AGO4: variants seen among roughly 807,000 people sequenced by gnomAD.
The protein encoded by AGO4 is protein argonaute-4.
Under a neutral mutation model 104.7 loss-of-function variants are expected in AGO4, and 33 were observed. The ratio of observed to expected loss-of-function variants is 0.32; its 90% CI spans 0.24 to 0.42. The LOEUF is 0.42. Among genes scored for constraint, AGO4 ranks in the 10% least tolerant of loss-of-function variants. The probability of loss-of-function intolerance (pLI) is 1.00; values close to 1 mark genes in which losing one functional copy is unlikely to be tolerated. For missense variants in AGO4, 711 were observed against 1,083.4 expected (o/e 0.66, Z 4.83); for synonymous variants, 331 against 364.7 (o/e 0.91, Z 1.05).
At chr1:35,830,002 C>T (rs1028188732) in intron 7 of AGO4, among the ~76,000 whole-genome samples, 11 of 150,990 alleles carry the variant, frequency 7.3e-5, no homozygotes, top group Non-Finnish European at 1.5e-4. Context: ...ATAAAAAATA[C>T]AAAAAAATTA....
At position 35,855,575 on chromosome 1, in the gene AGO4, G is replaced by A. The variant is rs1258960362; in HGVS notation, c.*1970G>A. On this transcript the variant is annotated 3_prime_UTR_variant, in exon 18 of 18. Transcript: ENST00000373210. ...CCTTAATCCCTGCAGATAGTGGGAT[G>A]AAAGCAAGTTCTGTAAAATGAAGCA... is the stretch of plus-strand genomic sequence containing the variant. 6.6e-6 allele frequency: 1 copy of A among 151,942 alleles called. No homozygotes were observed. The highest frequency in any genetic ancestry group is 1.5e-5 in the Non-Finnish European group (1 of 67,918). The allele number at this position is 151,942 out of a possible 1,614,324, so 9.4% of individuals were successfully genotyped here.
chr1:35,815,438 T>C (rs1416278500), intron 1 of AGO4, among the ~76,000 whole-genome samples: 1 of 152,138 alleles, frequency 6.6e-6, no homozygotes, highest in Admixed American at 6.6e-5. Flanking sequence ...TGAGTATTAA[T>C]AGATGTTCAA....
chr1:35,812,328 T>C (rs1223997018), intron 1 of AGO4, among the ~76,000 whole-genome samples: 1 of 152,198 alleles, frequency 6.6e-6, no homozygotes, highest in Non-Finnish European at 1.5e-5. Context: ...GGAAAGGAGA[T>C]ACAAATAATA....
At chr1:35,847,666 C>T (rs1644603987) in intron 15 of AGO4, among the ~76,000 whole-genome samples, 1 of 141,960 alleles carries the variant, frequency 7.0e-6, no homozygotes, top group Non-Finnish European at 1.5e-5. Flanking sequence ...AGTTGTTATA[C>T]TATATTTTAA....
At chr1:35,838,059 T>A (rs1644356026) in intron 13 of AGO4, among the ~76,000 whole-genome samples, 1 of 151,890 alleles carries the variant, frequency 6.6e-6, no homozygotes. Flanking sequence ...TTTATTTATT[T>A]ATGTATTTAT....
At chr1:35,823,748 T>C (rs1643940553) in intron 3 of AGO4, among the ~76,000 whole-genome samples, 1 of 151,224 alleles carries the variant, frequency 6.6e-6, no homozygotes, top group South Asian at 2.1e-4. Context: ...TTATTATTAT[T>C]ATTATTTTTT....
intron 2 of AGO4, among the ~76,000 whole-genome samples, chr1:35,819,799 TAAAAAAAA>T (rs77771083): frequency 7.6e-6 from 1 of 131,044 alleles, no homozygotes; most frequent in Non-Finnish European, 1.6e-5. Context: ...CTCTGAGTCT[TAAAAAAAA>T]AAAAAAAAGG....
At chr1:35,822,273 G>C (rs1226861790) in intron 2 of AGO4, among the ~76,000 whole-genome samples, 2 of 151,364 alleles carry the variant, frequency 1.3e-5, no homozygotes, top group Non-Finnish European at 2.9e-5. Flanking sequence ...TTTTTTTCTT[G>C]AGACAGAATT....
intron 17 of AGO4, among the ~76,000 whole-genome samples, chr1:35,853,017 G>A (rs373960727): frequency 7.2e-5 from 11 of 152,242 alleles, no homozygotes; most frequent in African/African-American, 2.4e-4. Context: ...TTGGGAGGCC[G>A]AGGCAGGCGG....
chr1:35,816,789 ACT>A (rs1371966563), intron 1 of AGO4, 91 bp from the exon 2 acceptor site: 2 of 1,375,112 alleles, frequency 1.5e-6, no homozygotes, highest in Non-Finnish European at 1.9e-6. Flanking sequence ...AAAGAGCGAA[ACT>A]CTGTCTCAAA....
intron 15 of AGO4, among the ~76,000 whole-genome samples, chr1:35,843,669 A>T (rs1644501408): frequency 6.6e-6 from 1 of 152,126 alleles, no homozygotes; most frequent in Admixed American, 6.5e-5. Flanking sequence ...GAAAAAAAAA[A>T]TAGTACTTCT....
rs552636204 is a variant in AGO4 at position 35,820,332 on chromosome 1, C to T, written c.186-2530C>T. Among the ~76,000 whole-genome samples the T allele has an allele frequency of 2.4e-4, 36 of 152,040 alleles. No individual in the cohort carries two copies. In the South Asian group the frequency reaches 3.5e-3, roughly 15 times the overall value. On this transcript the variant is annotated intron_variant, in intron 2 of 17. Transcript: ENST00000373210. ...AATAGAATGTTCAGACGGGGAGAAACTGAGATTAAGAAAGTTTAATTTTTT... is the reference window on the plus strand; with the variant it reads ...AATAGAATGTTCAGACGGGGAGAAATTGAGATTAAGAAAGTTTAATTTTTT...
Position 35,841,988 on chromosome 1 carries a change from G to A in AGO4, c.2175+238G>A, listed in dbSNP as rs1644457927. Among the ~76,000 whole-genome samples the A allele has an allele frequency of 6.6e-6, 1 of 152,002 alleles. No homozygotes were observed. Among genetic ancestry groups the A allele is most frequent in the African/African-American group, 2.4e-5 (1 of 41,370 alleles). The stretch of plus-strand genomic sequence containing the variant: ...TATAACAGAAATGCTGATTTCTCGA[G>A]TTGTTTTTGTGTCGGGGGGAGTAGG... On this transcript the variant is annotated intron_variant, in intron 15 of 17. Coordinates refer to ENST00000373210, the MANE Select transcript of AGO4 (RefSeq NM_017629.4). The surrounding 1 kb of genome is among the most constrained non-coding windows in gnomAD (Gnocchi z 4.7).
Position 35,841,789 on chromosome 1 carries a change from T to A in AGO4, c.2175+39T>A. ...ATATAAGCTTTGTTATCTGAGGCTCTGGCAAGAGATGTATATATGCACATA... is the reference window on the plus strand; with the variant it reads ...ATATAAGCTTTGTTATCTGAGGCTCAGGCAAGAGATGTATATATGCACATA... On this transcript the variant is annotated intron_variant, in intron 15 of 17. Transcript: ENST00000373210. This position sits in a 1 kb window ranked among gnomAD's most constrained non-coding sequence, Gnocchi z 4.7. 3 of 1,569,602 alleles carry A rather than the reference T, an allele frequency of 1.9e-6. No homozygotes were observed. Among genetic ancestry groups the A allele is most frequent in the African/African-American group, 2.8e-5 (2 of 71,502 alleles).
chr1:35,841,083 T>G lies in AGO4; in HGVS notation c.1725-82T>G. On this transcript the variant is annotated intron_variant, in intron 13 of 17. Coordinates refer to ENST00000373210, the MANE Select transcript of AGO4 (RefSeq NM_017629.4). The surrounding 1 kb of genome is among the most constrained non-coding windows in gnomAD (Gnocchi z 4.7). Reference sequence around the variant, plus strand: ...TCTCTCTTATAAGGTTATATCTGATTATATCTGGTGATATAATCTTGCTAA... The same window carrying G: ...TCTCTCTTATAAGGTTATATCTGATGATATCTGGTGATATAATCTTGCTAA... 1 of 1,428,438 alleles carries G rather than the reference T, an allele frequency of 7.0e-7. No homozygotes were observed. Among genetic ancestry groups the G allele is most frequent in the Non-Finnish European group, 9.7e-7 (1 of 1,034,908 alleles). 88.5% of individuals were successfully genotyped at this position (1,428,438 alleles called of 1,614,324 possible).
intron 15 of AGO4, 58 bp from the exon 16 acceptor site, chr1:35,850,099 A>T (rs1644664706): frequency 8.3e-7 from 1 of 1,209,058 alleles, no homozygotes; most frequent in Non-Finnish European, 1.2e-6. Context: ...AAAGAAAAAA[A>T]TGGCCTGACC....
chr1:35,830,003 A>C (rs1210368602), intron 7 of AGO4, among the ~76,000 whole-genome samples: 1 of 151,478 alleles, frequency 6.6e-6, no homozygotes, highest in African/African-American at 2.4e-5. Flanking sequence ...TAAAAAATAC[A>C]AAAAAATTAG....
intron 17 of AGO4, among the ~76,000 whole-genome samples, chr1:35,853,065 A>G (rs999657696): frequency 2.6e-5 from 4 of 152,108 alleles, no homozygotes; most frequent in African/African-American, 9.7e-5. Flanking sequence ...CCTGGCTAAC[A>G]TGGTGAAACC....
intron 1 of AGO4, 71 bp from the exon 2 acceptor site, chr1:35,816,798 CAAAAAAAAAAAAA>C (rs72065876): frequency 0.076 from 79,004 of 1,040,990 alleles, 13,112 homozygotes; most frequent in East Asian, 0.7. Flanking sequence ...AACTCTGTCT[CAAAAAAAAAAAAA>C]AAAAAAAAAA....
Sources: gnomAD v4.1 joint callset for allele counts (sites outside exome capture counted in the v4.1 genomes callset) on GRCh38, gnomAD v4.1.1 for gene constraint, Gnocchi (gnomAD v3.1) non-coding constraint, MANE v1.5 for transcripts, NCBI Gene and HGNC (gene_info 2026-07-23, HGNC 2026-07-21) for gene names.